Variants in NRXN3 observed in about 807,000 individuals in gnomAD.
NRXN3 encodes neurexin III.
In NRXN3, 32 loss-of-function variants were observed where a neutral mutation model predicts 137.6. That is an observed-to-expected ratio of 0.23 (90% CI 0.18 to 0.31). The LOEUF is 0.31. Among genes scored for constraint, NRXN3 ranks in the 10% least tolerant of loss-of-function variants. The pLI, the probability that NRXN3 is intolerant of heterozygous loss-of-function variation, is 1.00. For missense variants in NRXN3, 1,574 were observed against 2,062.5 expected (o/e 0.76, Z 4.59); for synonymous variants, 798 against 784.5 (o/e 1.02, Z -0.29).
chr14:78,372,293 CTT>C (rs59696267), intron 4 of NRXN3, among the ~76,000 whole-genome samples: 6 of 146,390 alleles, frequency 4.1e-5, no homozygotes, highest in Middle Eastern at 3.5e-3. Flanking sequence ...CTTTTCTTTT[CTT>C]TTTTTTTTTA....
chr14:79,076,467 A>G (rs916115038), intron 15 of NRXN3, among the ~76,000 whole-genome samples: 2 of 152,090 alleles, frequency 1.3e-5, no homozygotes, highest in African/African-American at 2.4e-5. Context: ...GCCCTTACCT[A>G]TGGCTGGTGG....
chr14:79,003,118 A>G (rs1424898129), intron 15 of NRXN3, among the ~76,000 whole-genome samples: 1 of 152,084 alleles, frequency 6.6e-6, no homozygotes, highest in Admixed American at 6.5e-5. Flanking sequence ...AGCTTGAACT[A>G]CAGGAACCCA....
intron 6 of NRXN3, among the ~76,000 whole-genome samples, chr14:78,655,666 C>A (rs2097778883): frequency 6.6e-6 from 1 of 152,014 alleles, no homozygotes. Flanking sequence ...AAAATGCACT[C>A]AATAAGTATG....
At chr14:79,291,242 A>G (rs2083143596) in intron 15 of NRXN3, among the ~76,000 whole-genome samples, 1 of 152,182 alleles carries the variant, frequency 6.6e-6, no homozygotes, top group Non-Finnish European at 1.5e-5. Flanking sequence ...AATAACATCT[A>G]CTTTGGTTTT....
At chr14:79,585,372 T>C (rs2097756418) in intron 16 of NRXN3, among the ~76,000 whole-genome samples, 1 of 152,138 alleles carries the variant, frequency 6.6e-6, no homozygotes, top group Non-Finnish European at 1.5e-5. Context: ...CCTGAGAAGA[T>C]AAAGGTGAAA....
At chr14:78,456,849 CTTTCTTTTTCTCTTTCTT>C (rs2094737816) in intron 4 of NRXN3, among the ~76,000 whole-genome samples, 1 of 131,912 alleles carries the variant, frequency 7.6e-6, no homozygotes, top group African/African-American at 2.6e-5. Context: ...TTCTTTCTTT[CTTTCTTTTTCTCTTTCTT>C]TCTTTCTTTC....
At chr14:79,086,759 T>G (rs7156110) in intron 15 of NRXN3, among the ~76,000 whole-genome samples, 139,883 of 152,160 alleles carry the variant, frequency 0.92, 65,181 homozygotes, top group Non-Finnish European at 0.99. Flanking sequence ...AAAATTAAAA[T>G]GAAACAAGTT....
At chr14:79,110,407 T>C (rs2053256520) in intron 15 of NRXN3, among the ~76,000 whole-genome samples, 1 of 152,232 alleles carries the variant, frequency 6.6e-6, no homozygotes, top group Non-Finnish European at 1.5e-5. Context: ...GCAGTAATAA[T>C]GCTGCTTGCA....
intron 15 of NRXN3, among the ~76,000 whole-genome samples, chr14:79,357,421 G>T (rs556279062): frequency 2.0e-5 from 3 of 152,028 alleles, no homozygotes; most frequent in Admixed American, 6.6e-5. Context: ...ATTTGATTTC[G>T]GTTTGGTTTG....
intron 15 of NRXN3, among the ~76,000 whole-genome samples, chr14:79,420,454 A>G (rs547437440): frequency 2.0e-5 from 3 of 152,092 alleles, no homozygotes; most frequent in Non-Finnish European, 2.9e-5. Context: ...TAGTGTTCCA[A>G]TAATGGAACA....
At chr14:79,625,993 A>G (rs2098277998) in intron 16 of NRXN3, among the ~76,000 whole-genome samples, 1 of 152,220 alleles carries the variant, frequency 6.6e-6, no homozygotes, top group South Asian at 2.1e-4. Context: ...GAAATACCAA[A>G]TATAATTATA....
chr14:79,335,148 TTTC>T (rs2092145246), intron 15 of NRXN3, among the ~76,000 whole-genome samples: 1 of 152,142 alleles, frequency 6.6e-6, no homozygotes, highest in South Asian at 2.1e-4. Context: ...AACTGTGCTG[TTTC>T]TTCTTCAAAA....
intron 4 of NRXN3, among the ~76,000 whole-genome samples, chr14:78,474,316 T>G (rs2095338446): frequency 6.6e-6 from 1 of 152,192 alleles, no homozygotes; most frequent in Non-Finnish European, 1.5e-5. Flanking sequence ...GATGCTCCCA[T>G]TTTTAGGAGC....
At chr14:79,736,306 G>T (rs1464874364) in intron 19 of NRXN3, among the ~76,000 whole-genome samples, 2 of 152,152 alleles carry the variant, frequency 1.3e-5, no homozygotes, top group Non-Finnish European at 2.9e-5. Context: ...GACCAACCTA[G>T]ATGAGTTACC....
intron 10 of NRXN3, among the ~76,000 whole-genome samples, chr14:78,894,197 C>T (rs780531786): frequency 2.6e-5 from 4 of 151,980 alleles, no homozygotes; most frequent in East Asian, 1.9e-4. Context: ...TTGTAGCATA[C>T]GATGCTGTTT....
intron 10 of NRXN3, among the ~76,000 whole-genome samples, chr14:78,810,966 A>G (rs68162363): frequency 0.08 from 12,176 of 152,228 alleles, 653 homozygotes; most frequent in South Asian, 0.17. Context: ...GAAGGGTCCT[A>G]ACAAGGCACA....
At chr14:79,071,390 C>G (rs1324694276) in intron 15 of NRXN3, among the ~76,000 whole-genome samples, 1 of 152,134 alleles carries the variant, frequency 6.6e-6, no homozygotes, top group East Asian at 1.9e-4. Context: ...GCTAGCCCCC[C>G]ACTACCCAAC....
At chr14:78,645,037 G>A in intron 4 of NRXN3, 83 bp from the exon 5 acceptor site, 1 of 1,237,628 alleles carries the variant, frequency 8.1e-7, no homozygotes, top group Non-Finnish European at 1.1e-6. Flanking sequence ...CAGTGCCCCT[G>A]CGGTGTGTTC....
chr14:78,749,014 C>CT (rs888544739), intron 8 of NRXN3, among the ~76,000 whole-genome samples: 3 of 152,066 alleles, frequency 2.0e-5, no homozygotes, highest in Admixed American at 6.6e-5. Context: ...TCAGAAATGC[C>CT]TTTTTTTTCT....
Sources: allele counts gnomAD v4.1 joint callset (sites outside exome capture counted in the v4.1 genomes callset), GRCh38; gene constraint gnomAD v4.1.1; transcripts MANE v1.5; gene names NCBI Gene and HGNC (gene_info 2026-07-23, HGNC 2026-07-21).